Variants in PLCL2 observed in about 807,000 individuals in gnomAD.
PLCL2 encodes the protein phospholipase C like 2, also known as inactive phospholipase C-like protein 2.
PLCL2 carries 4 observed loss-of-function variants against 79.6 expected under a neutral mutation model. The ratio of observed to expected loss-of-function variants is 0.05; its 90% CI spans 0.02 to 0.11. PLCL2 has a LOEUF of 0.11. PLCL2 is among the 10% of genes least tolerant of loss of function. The pLI, the probability that PLCL2 is intolerant of heterozygous loss-of-function variation, is 1.00. For missense variants in PLCL2, 895 were observed against 1,291.0 expected, an observed-to-expected ratio of 0.69 and a Z score of 4.70; for synonymous variants, 484 against 457.7, an observed-to-expected ratio of 1.06 and a Z score of -0.73.
rs76376640 is a variant in PLCL2 at position 17,075,202 on chromosome 3, A to G, written c.3204+7137A>G. Among the ~76,000 whole-genome samples the G allele has an allele frequency of 2.8e-4, 42 of 152,248 alleles. No homozygotes were observed. In the East Asian group the frequency reaches 7.1e-3, roughly 26 times the overall value. On this transcript the variant is annotated intron_variant, in intron 5 of 5. Transcript: ENST00000615277. ...CCTTTGTAAGGTTATTTTTTGGCCT[A>G]ATTTTCATATTGTTATGTCTCAGGA...
At chr3:16,892,669 T>C (rs1192968227) in intron 1 of PLCL2, among the ~76,000 whole-genome samples, 1 of 152,214 alleles carries the variant, frequency 6.6e-6, no homozygotes, top group Non-Finnish European at 1.5e-5. Context: ...GCATGTTTTG[T>C]CATGTAATGG....
intron 4 of PLCL2, among the ~76,000 whole-genome samples, chr3:17,050,390 T>C (rs1025775732): frequency 2.0e-5 from 3 of 151,948 alleles, no homozygotes; most frequent in African/African-American, 7.3e-5. Context: ...AATAACACAC[T>C]GAATGGGACA....
chr3:17,028,520 A>G (rs2124907225), intron 3 of PLCL2, among the ~76,000 whole-genome samples: 1 of 149,698 alleles, frequency 6.7e-6, no homozygotes, highest in Non-Finnish European at 1.5e-5. Context: ...CCTGTCACCC[A>G]GGCTGGATTG....
chr3:16,925,212 C>T (rs549339447), intron 1 of PLCL2, among the ~76,000 whole-genome samples: 8 of 146,144 alleles, frequency 5.5e-5, no homozygotes, highest in East Asian at 2.1e-4. Context: ...CGTGAGCCAC[C>T]GCGCCCGGCC....
At chr3:17,028,146 G>A (rs1420171898) in intron 3 of PLCL2, among the ~76,000 whole-genome samples, 1 of 152,170 alleles carries the variant, frequency 6.6e-6, no homozygotes, top group Non-Finnish European at 1.5e-5. Flanking sequence ...GAAGGGCTGG[G>A]TGGAGAGAAG....
At chr3:17,064,329 G>C (rs1575611935) in intron 4 of PLCL2, among the ~76,000 whole-genome samples, 1 of 151,920 alleles carries the variant, frequency 6.6e-6, no homozygotes, top group African/African-American at 2.4e-5. Context: ...TCTCTCTCTT[G>C]CTTCCCTTAT....
intron 1 of PLCL2, among the ~76,000 whole-genome samples, chr3:16,922,334 C>A (rs757334594): frequency 5.9e-5 from 9 of 152,188 alleles, no homozygotes; most frequent in Non-Finnish European, 1.0e-4. Flanking sequence ...GATTTAAAAT[C>A]ACTTCATGCT....
At chr3:17,064,407 A>G (rs917131096) in intron 4 of PLCL2, among the ~76,000 whole-genome samples, 2 of 152,152 alleles carry the variant, frequency 1.3e-5, no homozygotes, top group African/African-American at 2.4e-5. Context: ...ACATATGATT[A>G]TATCAGACAA....
At chr3:17,044,109 GT>G (rs1166697835) in intron 4 of PLCL2, 1 of 152,410 alleles carries the variant, frequency 6.6e-6, no homozygotes, top group East Asian at 1.9e-4. Flanking sequence ...AGACATTGGT[GT>G]TTGTGTAGAA....
Position 17,068,895 on chromosome 3 carries a change from G to A in PLCL2, c.3204+830G>A, listed in dbSNP as rs115247440. Among the ~76,000 whole-genome samples, 781 of 152,204 alleles carry A rather than the reference G, an allele frequency of 5.1e-3. 10 individuals are homozygous for A. The highest frequency in any genetic ancestry group is 0.018 in the African/African-American group (745 of 41,522). ...GAGCATAAATAATAATAACACAGAG[G>A]TTATTTCATTCCAGGTCTTGGACAA... On this transcript the variant is annotated intron_variant, in intron 5 of 5. Transcript: ENST00000615277.
chr3:17,065,207 A>AT (rs1398942532), intron 4 of PLCL2, among the ~76,000 whole-genome samples: 1 of 152,068 alleles, frequency 6.6e-6, no homozygotes, highest in Non-Finnish European at 1.5e-5. Context: ...GTCTTGTCTC[A>AT]TTTTTTTAAT....
Position 17,010,807 on chromosome 3 carries a change from C to G in PLCL2, c.1461C>G (p.Gly487=). The change falls in exon 2 of 6, where the codon GGC becomes GGG. Residue 487 remains glycine (G), a synonymous_variant. Coordinates refer to ENST00000615277, the MANE Select transcript of PLCL2 (RefSeq NM_001144382.2). The surrounding 1 kb of genome is among the most constrained non-coding windows in gnomAD (Gnocchi z 5.8). ...GPDNEPVIYT[G]HTMTSQIVFR... is the part of the protein sequence containing the mutation. ...ACAATGAACCTGTAATTTACACAGG[C>G]CACACCATGACCTCTCAGATAGTTT... The G allele has an allele frequency of 6.2e-7, 1 of 1,614,128 alleles. No homozygotes were observed.
At chr3:17,073,309 G>A (rs2065078419) in intron 5 of PLCL2, among the ~76,000 whole-genome samples, 2 of 152,098 alleles carry the variant, frequency 1.3e-5, no homozygotes, top group South Asian at 2.1e-4. Context: ...ACACTATAAT[G>A]TAGTCTATTA....
At chr3:17,055,670 T>C (rs1468328036) in intron 4 of PLCL2, among the ~76,000 whole-genome samples, 2 of 152,218 alleles carry the variant, frequency 1.3e-5, no homozygotes, top group Non-Finnish European at 2.9e-5. Flanking sequence ...TTTACATCAT[T>C]CCCAAAATAT....
At chr3:16,899,632 T>C (rs1696571980) in intron 1 of PLCL2, among the ~76,000 whole-genome samples, 1 of 152,146 alleles carries the variant, frequency 6.6e-6, no homozygotes, top group South Asian at 2.1e-4. Flanking sequence ...TCTGCTTGAT[T>C]TCTTGTATGT....
intron 1 of PLCL2, among the ~76,000 whole-genome samples, chr3:16,949,661 T>C (rs1340396587): frequency 4.6e-5 from 7 of 152,186 alleles, no homozygotes; most frequent in Non-Finnish European, 1.0e-4. Flanking sequence ...CAGAATCCCC[T>C]CCATCCTCCT....
chr3:16,893,820 A>C (rs73146910), intron 1 of PLCL2, among the ~76,000 whole-genome samples: 2,684 of 152,320 alleles, frequency 0.018, 84 homozygotes, highest in African/African-American at 0.061. Context: ...GTGTATGCAT[A>C]TACCCTGAAG....
At position 17,081,778 on chromosome 3, in the gene PLCL2, G is replaced by A. The variant is rs539439272; in HGVS notation, c.3205-7955G>A. ...GCTCAGCCAGAAAAAGCACAGTCAC[G>A]CCAGACTCGCAGCAAGAGCTGCTGG... On this transcript the variant is annotated intron_variant, in intron 5 of 5. Coordinates refer to ENST00000615277, the MANE Select transcript of PLCL2 (RefSeq NM_001144382.2). 1.9e-4 allele frequency among the ~76,000 whole-genome samples: 29 copies of A among 152,276 alleles called. No homozygotes were observed. The South Asian group carries it at 2.7e-3, about 14-fold the overall frequency.
intron 4 of PLCL2, among the ~76,000 whole-genome samples, chr3:17,060,472 A>G (rs375921813): frequency 6.6e-6 from 1 of 152,204 alleles, no homozygotes; most frequent in African/African-American, 2.4e-5. Flanking sequence ...AACTGGAACT[A>G]TCTGAAAAGC....
Sources: gnomAD v4.1 joint callset for allele counts (sites outside exome capture counted in the v4.1 genomes callset) on GRCh38, gnomAD v4.1.1 for gene constraint, Gnocchi (gnomAD v3.1) non-coding constraint, MANE v1.5 for transcripts, NCBI Gene and HGNC (gene_info 2026-07-23, HGNC 2026-07-21) for gene names.